DDX49: variants seen among roughly 807,000 people sequenced by gnomAD.
DDX49 encodes the protein DEAD-box helicase 49, also known as probable ATP-dependent RNA helicase DDX49.
Under a neutral mutation model 56.3 loss-of-function variants are expected in DDX49, and 50 were observed. The ratio of observed to expected loss-of-function variants is 0.89; its 90% CI spans 0.71 to 1.12. The LOEUF is 1.12. Among genes scored for constraint, DDX49 ranks in the 50% most tolerant of loss-of-function variants. The pLI is 0.00. For missense variants in DDX49, 614 were observed against 650.5 expected (o/e 0.94, Z 0.61); for synonymous variants, 269 against 270.6 (o/e 0.99, Z 0.06).
At chr19:18,926,410 AGGGGTGGGGT>A in intron 10 of DDX49, 33 bp downstream of exon 10, 2 of 122,454 alleles carry the variant, frequency 1.6e-5, no homozygotes, top group Non-Finnish European at 2.9e-5. Flanking sequence ...GTAGAGAAGG[AGGGGTGGGGT>A]GGGCAGAGGT....
chr19:18,927,041 C>T (rs2056966568), intron 10 of DDX49, among the ~76,000 whole-genome samples: 2 of 144,616 alleles, frequency 1.4e-5, no homozygotes, highest in South Asian at 4.4e-4. Flanking sequence ...CCATTACGCT[C>T]CAGCCTGGGT....
rs1388350750 is a variant in DDX49, at chr19:18,921,947, A to G, written c.430A>G (p.Lys144Glu). ...HLRSSNTFSI[K>E]KIRFLVMDEA... ...GCGCAGCTCCAACACTTTTAGTATA[A>G]AGAAGATCCGCTTCCTGGTGAGTTC... is the stretch of plus-strand genomic sequence containing the variant. The change falls in exon 4 of 13, where the codon AAG (lysine) becomes GAG (glutamate). Residue 144 changes from lysine to glutamate, a missense_variant. Lys to Glu is a moderately conservative substitution (Grantham distance 56). Transcript: ENST00000247003. 1 of 1,611,414 alleles carries G rather than the reference A, an allele frequency of 6.2e-7. No individual in the cohort carries two copies. Among genetic ancestry groups the G allele is most frequent in the Admixed American group, 1.7e-5 (1 of 59,972 alleles).
rs1274780747 is a variant in DDX49 at position 18,928,267 on chromosome 19, C to T, written c.1403C>T (p.Thr468Ile). ...RAGHKGRPPR[T>I]PSGSHSGPVP... ...GGCCACAAGGGGCGTCCACCCAGGA[C>T]ACCGTCTGGGTCCCACTCAGGCCCA... Residue 468 changes from threonine to isoleucine, a missense_variant, in exon 13 of 13, where the codon ACA (threonine) becomes ATA (isoleucine). Thr to Ile is a moderately conservative substitution (Grantham distance 89). Transcript: ENST00000247003. 1.3e-6 allele frequency: 2 copies of T among 1,585,174 alleles called. No individual in the cohort carries two copies. Among genetic ancestry groups the T allele is most frequent in the Non-Finnish European group, 1.7e-6 (2 of 1,166,096 alleles).
Position 18,921,824 on chromosome 19 carries a change from C to T in DDX49, c.326-19C>T, listed in dbSNP as rs2056919666. 6.2e-7 allele frequency: 1 copy of T among 1,614,062 alleles called. No individual in the cohort carries two copies. Among genetic ancestry groups the T allele is most frequent in the Non-Finnish European group, 8.5e-7 (1 of 1,179,996 alleles). ...TTGGACCACCTGCCCAGCCCTGCCT[C>T]TCATGCTCTGTCCCCCAGACATGGT... On this transcript the variant is annotated intron_variant, in intron 3 of 12. Coordinates refer to ENST00000247003, the MANE Select transcript of DDX49 (RefSeq NM_019070.5).
At chr19:18,926,151 C>G in intron 9 of DDX49, 152 bp from the exon 10 acceptor site, 1 of 747,612 alleles carries the variant, frequency 1.3e-6, no homozygotes, top group Non-Finnish European at 2.2e-6. Context: ...TGCTTGGGGT[C>G]AAGCCCAGAC....
chr19:18,921,170 G>A (rs908828135), intron 2 of DDX49, among the ~76,000 whole-genome samples: 18 of 152,020 alleles, frequency 1.2e-4, no homozygotes, highest in African/African-American at 3.1e-4. Context: ...GAAAGAAAGA[G>A]GCAGGCAGCA....
At chr19:18,922,987 C>T (rs796154978) in intron 6 of DDX49, among the ~76,000 whole-genome samples, 5 of 152,336 alleles carry the variant, frequency 3.3e-5, no homozygotes, top group African/African-American at 1.2e-4. Context: ...GTTTGAGCAG[C>T]CCATTTGCTG....
chr19:18,925,140 TCCCAG>T, intron 9 of DDX49, 161 bp downstream of exon 9: 2 of 1,050,312 alleles, frequency 1.9e-6, no homozygotes, highest in Non-Finnish European at 2.7e-6. Flanking sequence ...CAAAGGTGAA[TCCCAG>T]CTACTCGGGA....
intron 6 of DDX49, among the ~76,000 whole-genome samples, chr19:18,923,876 C>T (rs960610014): frequency 1.3e-5 from 2 of 149,364 alleles, no homozygotes; most frequent in South Asian, 2.1e-4. Context: ...GGCGCAATCT[C>T]GGCTCACTGC....
In DDX49 at chr19:18,922,650, GAGA is replaced by G; in HGVS notation, c.685_687del (p.Lys229del). On this transcript the variant is annotated inframe_deletion, in exon 6 of 13. Coordinates refer to ENST00000247003, the MANE Select transcript of DDX49 (RefSeq NM_019070.5). ...GGACCAGCGCTACCTGCTGGTGCCT[GAGA>G]AGGTCAAGGACGCCTACCTGGTCCA... 2 of 1,614,026 alleles carry G rather than the reference GAGA, an allele frequency of 1.2e-6. No individual in the cohort carries two copies. The highest frequency in any genetic ancestry group is 1.7e-6 in the Non-Finnish European group (2 of 1,180,016).
At position 18,921,831 on chromosome 19, in the gene DDX49, T is replaced by G; in HGVS notation, c.326-12T>G. ...ACCTGCCCAGCCCTGCCTCTCATGC[T>G]CTGTCCCCCAGACATGGTGGCCCAG... On this transcript the variant is annotated splice_polypyrimidine_tract_variant and intron_variant, in intron 3 of 12. Coordinates refer to ENST00000247003, the MANE Select transcript of DDX49 (RefSeq NM_019070.5). 6.2e-7 allele frequency: 1 copy of G among 1,611,918 alleles called. No individual in the cohort carries two copies. The highest frequency in any genetic ancestry group is 8.5e-7 in the Non-Finnish European group (1 of 1,179,984).
chr19:18,920,528 A>T, intron 1 of DDX49, 52 bp from the exon 2 acceptor site: 1 of 1,546,656 alleles, frequency 6.5e-7, no homozygotes, highest in South Asian at 1.2e-5. Flanking sequence ...GGTCTCTGAA[A>T]CCCAGCTGTC....
rs536731978 is a variant in DDX49, at chr19:18,924,279, A to G, written c.823A>G (p.Thr275Ala). 2.7e-5 allele frequency: 44 copies of G among 1,613,574 alleles called. No individual in the cohort carries two copies. In the African/African-American group the frequency reaches 4.9e-4, roughly 18 times the overall value. Residue 275 changes from threonine (T) to alanine (A), a missense_variant, in exon 7 of 13, where the codon ACC (threonine) becomes GCC (alanine). Thr to Ala is a moderately conservative substitution (Grantham distance 58). Transcript: ENST00000247003. ...CMMLRKFSFP[T>A]VALHSMMKQK... is the part of the protein sequence containing the mutation. ...GATGCTGCGCAAATTCAGCTTCCCC[A>G]CCGTGGCTCTGCACTCCATGATGAA... is the stretch of plus-strand genomic sequence containing the variant.
In DDX49 at chr19:18,924,304, A is replaced by C; in HGVS notation, c.848A>C (p.Lys283Thr). 1 of 1,613,406 alleles carries C rather than the reference A, an allele frequency of 6.2e-7. No individual in the cohort carries two copies. The highest frequency in any genetic ancestry group is 8.5e-7 in the Non-Finnish European group (1 of 1,179,890). The change falls in exon 7 of 13, where the codon AAG becomes ACG. Residue 283 changes from lysine (K) to threonine (T), a missense_variant. Transcript: ENST00000247003. The stretch of plus-strand genomic sequence containing the variant: ...ACCGTGGCTCTGCACTCCATGATGA[A>C]GCAGGTGAGGCCACCCTGGGGCCCG... ...FPTVALHSMM[K>T]QKERFAALAK...
At position 18,924,684 on chromosome 19, in the gene DDX49, C is replaced by T; in HGVS notation, c.914C>T (p.Thr305Ile). ...AGCATCTACCGGATCCTGATCGCAA[C>T]AGACGTGGCCTCCCGGTGAGCAGCC... ...KSSIYRILIA[T>I]DVASRGLDIP... Residue 305 changes from threonine to isoleucine, a missense_variant, in exon 8 of 13, where the codon ACA becomes ATA. Thr to Ile is a moderately conservative substitution (Grantham distance 89). Transcript: ENST00000247003. 2 of 1,614,240 alleles carry T rather than the reference C, an allele frequency of 1.2e-6. No homozygotes were observed. The highest frequency in any genetic ancestry group is 1.7e-6 in the Non-Finnish European group (2 of 1,180,042).
rs1487929771 is a variant in DDX49, at chr19:18,926,336, A to G, written c.1061A>G (p.Gln354Arg). 2.1e-6 allele frequency: 3 copies of G among 1,459,362 alleles called. No homozygotes were observed. Among genetic ancestry groups the G allele is most frequent in the Non-Finnish European group, 9.2e-7 (1 of 1,087,538 alleles). 90.4% of individuals were successfully genotyped at this position (1,459,362 alleles called of 1,614,324 possible). A position where few individuals can be genotyped will look rare whatever the true frequency, so the allele number is the denominator to read the frequency against. The change falls in exon 10 of 13, where the codon CAG becomes CGG. Residue 354 changes from glutamine to arginine, a missense_variant. By Grantham distance (43) the Gln-to-Arg change is conservative. Coordinates refer to ENST00000247003, the MANE Select transcript of DDX49 (RefSeq NM_019070.5). Reference protein sequence around the residue: ...RQGQAITLVTQYDIHLVHAIE... With the variant: ...RQGQAITLVTRYDIHLVHAIE... ...GGTCAGGCCATCACGCTGGTGACAC[A>G]GTACGACATCCACCTGGTGCACGCC...
At chr19:18,925,935 T>G (rs543819715) in intron 9 of DDX49, among the ~76,000 whole-genome samples, 1 of 152,312 alleles carries the variant, frequency 6.6e-6, no homozygotes, top group African/African-American at 2.4e-5. Context: ...CCACCATCAG[T>G]GCAGTTTCGG....
rs747154354 is a variant in DDX49, at chr19:18,922,365, A to G, written c.487A>G (p.Thr163Ala). 1.9e-6 allele frequency: 3 copies of G among 1,611,832 alleles called. No individual in the cohort carries two copies. The highest frequency in any genetic ancestry group is 2.5e-6 in the Non-Finnish European group (3 of 1,179,766). ...EADRLLEQGCTDFTVDLEAIL... is the reference protein window; with the variant it reads ...EADRLLEQGCADFTVDLEAIL... ...AGACCGGCTGCTGGAACAGGGCTGC[A>G]CTGACTTCACCGTGGACCTGGAGGC... Residue 163 changes from threonine to alanine, a missense_variant, in exon 5 of 13, where the codon ACT becomes GCT. Thr to Ala is a moderately conservative substitution (Grantham distance 58, BLOSUM62 0). Transcript: ENST00000247003.
intron 1 of DDX49, among the ~76,000 whole-genome samples, chr19:18,920,078 CAT>C (rs1397603928): frequency 6.6e-6 from 1 of 152,216 alleles, no homozygotes; most frequent in Admixed American, 6.5e-5. Flanking sequence ...CTGAAATTTT[CAT>C]AGTCTCAGCA....
Sources: allele counts gnomAD v4.1 joint callset (sites outside exome capture counted in the v4.1 genomes callset), GRCh38; gene constraint gnomAD v4.1.1; transcripts MANE v1.5; gene names NCBI Gene and HGNC (gene_info 2026-07-23, HGNC 2026-07-21).